Variants in XRCC5 observed in about 807,000 individuals in gnomAD.
The protein encoded by XRCC5 is X-ray repair cross complementing 5.
XRCC5 carries 12 observed loss-of-function variants against 95.7 expected under a neutral mutation model. That is an observed-to-expected ratio of 0.13 (90% CI 0.08 to 0.20). The LOEUF (loss-of-function observed/expected upper bound fraction) is 0.20. Ranked by LOEUF, XRCC5 falls within the 10% of genes least tolerant of loss-of-function variation. The pLI is 1.00. For synonymous variants in XRCC5, 281 were observed against 290.3 expected (o/e 0.97, Z 0.33); for missense variants, 595 against 873.9 (o/e 0.68, Z 4.02).
At chr2:216,162,089 A>G in intron 16 of XRCC5, 41 bp downstream of exon 16, 1 of 1,553,632 alleles carries the variant, frequency 6.4e-7, no homozygotes, top group Non-Finnish European at 8.9e-7. Flanking sequence ...CTGTTTAGTT[A>G]AGCTAACTAA....
chr2:216,167,660 A>G (rs1168205121), intron 16 of XRCC5, among the ~76,000 whole-genome samples: 1 of 151,390 alleles, frequency 6.6e-6, no homozygotes, highest in Non-Finnish European at 1.5e-5. Flanking sequence ...GGTATGAATT[A>G]TATAATGAAT....
chr2:216,114,248 G>A (rs1574449083), intron 2 of XRCC5, among the ~76,000 whole-genome samples: 1 of 152,224 alleles, frequency 6.6e-6, no homozygotes, highest in East Asian at 1.9e-4. Context: ...AAGTCCATGA[G>A]TTCCTGCTTC....
intron 16 of XRCC5, among the ~76,000 whole-genome samples, chr2:216,176,359 T>C (rs539232381): frequency 4.9e-4 from 74 of 152,276 alleles, no homozygotes; most frequent in Non-Finnish European, 8.8e-4. Flanking sequence ...CCTCAAGTGA[T>C]CCACCCACCT....
chr2:216,127,916 A>G (rs1696922416), intron 8 of XRCC5: 1 of 245,022 alleles, frequency 4.1e-6, no homozygotes, highest in African/African-American at 2.2e-5. Context: ...CTTAAGTGAT[A>G]GTACTCAATA....
chr2:216,150,028 GGTTCAGTCCT>G lies in XRCC5; in HGVS notation c.1670+1753_1670+1762del, dbSNP rs41296432. On this transcript the variant is annotated intron_variant, in intron 14 of 20. Transcript: ENST00000392132. ...AGTACCACCTGTATTCAAGAAGAATGGTTCAGTCCTTTCTACAAGGTTCTAAAACCCCTCA... is the reference window on the plus strand; with the variant it reads ...AGTACCACCTGTATTCAAGAAGAATGTTCTACAAGGTTCTAAAACCCCTCA... Among the ~76,000 whole-genome samples the G allele has an allele frequency of 5.3e-3, 801 of 152,276 alleles. 4 individuals are homozygous for G. The highest frequency in any genetic ancestry group is 0.01 in the Middle Eastern group (3 of 294).
chr2:216,190,377 G>T, intron 17 of XRCC5, 43 bp downstream of exon 17: 1 of 1,552,772 alleles, frequency 6.4e-7, no homozygotes, highest in South Asian at 1.1e-5. Context: ...AACAGTTGGC[G>T]ACTATCACAG....
At chr2:216,154,003 T>C (rs1688798243) in intron 14 of XRCC5, among the ~76,000 whole-genome samples, 2 of 152,226 alleles carry the variant, frequency 1.3e-5, no homozygotes, top group Non-Finnish European at 2.9e-5. Context: ...ACCTAATTTC[T>C]TGGGAGTCTT....
chr2:216,192,541 A>G (rs1689633747), intron 17 of XRCC5, 98 bp from the exon 18 acceptor site: 1 of 675,378 alleles, frequency 1.5e-6, no homozygotes, highest in South Asian at 2.9e-5. Context: ...TTTGTAATAA[A>G]TAAGGTGATT....
At chr2:216,116,407 T>TA (rs1696697732) in intron 2 of XRCC5, among the ~76,000 whole-genome samples, 2 of 152,174 alleles carry the variant, frequency 1.3e-5, no homozygotes, top group Non-Finnish European at 2.9e-5. Flanking sequence ...CAAGAACACT[T>TA]ACTACCCTCC....
At chr2:216,204,873 G>A (rs2106056960) in intron 20 of XRCC5, among the ~76,000 whole-genome samples, 1 of 152,288 alleles carries the variant, frequency 6.6e-6, no homozygotes, top group Admixed American at 6.5e-5. Context: ...TGTTGTTGAT[G>A]TCTGGGAAGC....
intron 14 of XRCC5, among the ~76,000 whole-genome samples, chr2:216,154,099 C>T (rs757497654): frequency 2.0e-5 from 3 of 152,178 alleles, no homozygotes; most frequent in Non-Finnish European, 2.9e-5. Context: ...TAAGGTTAGT[C>T]TGGTGGCTAA....
intron 5 of XRCC5, among the ~76,000 whole-genome samples, chr2:216,121,597 C>T (rs867986810): frequency 3.3e-5 from 5 of 152,106 alleles, no homozygotes; most frequent in Non-Finnish European, 5.9e-5. Flanking sequence ...GAGTTCCCCA[C>T]CCTCAGGACT....
At chr2:216,123,094 G>A (rs1223370189) in intron 6 of XRCC5, among the ~76,000 whole-genome samples, 2 of 152,102 alleles carry the variant, frequency 1.3e-5, no homozygotes, top group East Asian at 3.9e-4. Context: ...ATTCTCAGGG[G>A]TAATACTGCT....
intron 18 of XRCC5, among the ~76,000 whole-genome samples, chr2:216,194,137 C>T (rs901370193): frequency 6.6e-6 from 1 of 152,204 alleles, no homozygotes; most frequent in Non-Finnish European, 1.5e-5. Flanking sequence ...TATTGAGCTT[C>T]TGCTATGTTC....
chr2:216,161,856 T>C (rs1688958521), intron 15 of XRCC5, 123 bp from the exon 16 acceptor site: 1 of 799,322 alleles, frequency 1.3e-6, no homozygotes, highest in East Asian at 2.7e-5. Flanking sequence ...GAAAAGCCCT[T>C]CTCTTTGTCT....
At chr2:216,143,142 G>A (rs1697197966) in intron 13 of XRCC5, among the ~76,000 whole-genome samples, 1 of 152,192 alleles carries the variant, frequency 6.6e-6, no homozygotes, top group Non-Finnish European at 1.5e-5. Context: ...TCACTGCCCA[G>A]CATTGTAAGT....
At position 216,122,191 on chromosome 2, in the gene XRCC5, A is replaced by G; in HGVS notation, c.621A>G (p.Ile207Met). The change falls in exon 6 of 21, where the codon ATA becomes ATG. Residue 207 changes from isoleucine to methionine, a missense_variant. Physicochemically the swap from Ile to Met is conservative, Grantham distance 10. This residue lies in a region of XRCC5 where 286 missense variants were observed against 491.1 expected (regional missense o/e 0.58). Transcript: ENST00000392132. ...ITEQQKEGLE[I>M]VKMVMISLEG... ...AACAGCAAAAAGAAGGTCTTGAGAT[A>G]GTGAAAATGGTGATGATATCTTTAG... The G allele has an allele frequency of 6.2e-7, 1 of 1,614,002 alleles. No individual in the cohort carries two copies. The highest frequency in any genetic ancestry group is 8.5e-7 in the Non-Finnish European group (1 of 1,179,960).
chr2:216,112,800 A>G (rs1474392493), intron 1 of XRCC5, among the ~76,000 whole-genome samples: 1 of 152,268 alleles, frequency 6.6e-6, no homozygotes, highest in Admixed American at 6.5e-5. Context: ...CTCCTGGTAG[A>G]AACTTCTGTA....
At chr2:216,177,760 A>G (rs1410851666) in intron 16 of XRCC5, among the ~76,000 whole-genome samples, 1 of 152,182 alleles carries the variant, frequency 6.6e-6, no homozygotes, top group African/African-American at 2.4e-5. Flanking sequence ...TCAAGCATGT[A>G]TTTATTTTGT....
Sources: gnomAD v4.1 joint callset for allele counts (sites outside exome capture counted in the v4.1 genomes callset) on GRCh38, gnomAD v4.1.1 for gene constraint, gnomAD v4.1.1 regional missense constraint, MANE v1.5 for transcripts, NCBI Gene and HGNC (gene_info 2026-07-23, HGNC 2026-07-21) for gene names.